LRRC66: variants seen among roughly 807,000 people sequenced by gnomAD.
LRRC66 encodes the protein leucine rich repeat containing 66, also known as leucine-rich repeat-containing protein 66.
In LRRC66, 29 loss-of-function variants were observed where a neutral mutation model predicts 24.6. The observed-to-expected ratio is 1.18, with a 90% CI of 0.88 to 1.61. The LOEUF (loss-of-function observed/expected upper bound fraction) is 1.61. Ranked by LOEUF, LRRC66 falls within the 40% of genes most tolerant of loss-of-function variation. LRRC66 has a pLI of 0.00. For synonymous variants in LRRC66, 411 were observed against 397.6 expected (o/e 1.03, Z -0.40); for missense variants, 1,124 against 1,058.0 (o/e 1.06, Z -0.87).
chr4:52,017,646 T>C (rs1279217269), intron 1 of LRRC66, 28 bp from the exon 2 acceptor site: 5 of 1,502,714 alleles, frequency 3.3e-6, no homozygotes, highest in Middle Eastern at 2.1e-4. Context: ...AATTGACTTA[T>C]TCACAATAAT....
In LRRC66 at chr4:52,003,388, C is replaced by T. The variant is rs1484537713; in HGVS notation, c.501G>A (p.Leu167=). 1.9e-6 allele frequency: 3 copies of T among 1,611,834 alleles called. No homozygotes were observed. The highest frequency in any genetic ancestry group is 2.7e-5 in the African/African-American group (2 of 74,792). ...RNKLSDTPKG[L]WKLKSLQSLD... ...AACTCTGCAATGACTTCAGTTTCCACAGTCCTGTTAAAATGAAAAAGTAAG... is the reference window on the plus strand; with the variant it reads ...AACTCTGCAATGACTTCAGTTTCCATAGTCCTGTTAAAATGAAAAAGTAAG... The change falls in exon 3 of 5, where the codon CTG becomes CTA. Residue 167 remains leucine (L), a synonymous_variant. Coordinates refer to ENST00000682860, the MANE Select transcript of LRRC66 (RefSeq NM_001024611.3).
intron 2 of LRRC66, among the ~76,000 whole-genome samples, chr4:52,004,092 TC>T (rs1354882986): frequency 6.6e-6 from 1 of 152,176 alleles, no homozygotes; most frequent in Non-Finnish European, 1.5e-5. Flanking sequence ...AACTTCCACC[TC>T]CCGGGTTCGA....
chr4:52,003,447 CT>C, intron 2 of LRRC66, 55 bp from the exon 3 acceptor site: 1 of 1,512,366 alleles, frequency 6.6e-7, no homozygotes, highest in East Asian at 2.3e-5. Flanking sequence ...TACTGCAGCA[CT>C]GTTTGTAATG....
chr4:52,011,960 G>A lies in LRRC66; in HGVS notation c.496+5158C>T, dbSNP rs539852661. 4.6e-5 allele frequency among the ~76,000 whole-genome samples: 7 copies of A among 152,242 alleles called. No homozygotes were observed. In the East Asian group the frequency reaches 9.7e-4, roughly 21 times the overall value. ...AGCACTTTGGGAGGCTGAGGCAGGC[G>A]GATCACTTGAGGTCAGGAGTTCAAA... On this transcript the variant is annotated intron_variant, in intron 2 of 4. Coordinates refer to ENST00000682860, the MANE Select transcript of LRRC66 (RefSeq NM_001024611.3).
At chr4:52,018,569 C>A in intron 1 of LRRC66, 6 of 985,392 alleles carry the variant, frequency 6.1e-6, no homozygotes, top group Non-Finnish European at 7.2e-6. Context: ...GACTTTCTTG[C>A]CTCTGCCTCT....
intron 2 of LRRC66, among the ~76,000 whole-genome samples, chr4:52,014,605 C>T (rs1267899403): frequency 6.6e-6 from 1 of 152,204 alleles, no homozygotes; most frequent in African/African-American, 2.4e-5. Context: ...CAGCATCTCT[C>T]TCACCAGCAG....
At chr4:52,006,691 T>C (rs1343743463) in intron 2 of LRRC66, among the ~76,000 whole-genome samples, 3 of 101,008 alleles carry the variant, frequency 3.0e-5, no homozygotes, top group Non-Finnish European at 5.7e-5. Context: ...CCCTAAAACT[T>C]AAAGTATAAT....
At chr4:52,003,899 GAACT>G (rs1324796622) in intron 2 of LRRC66, among the ~76,000 whole-genome samples, 1 of 152,160 alleles carries the variant, frequency 6.6e-6, no homozygotes, top group South Asian at 2.1e-4. Flanking sequence ...TTATTTGTTT[GAACT>G]ATATAGTAAA....
At position 52,001,085 on chromosome 4, in the gene LRRC66, T is replaced by C. The variant is rs566297275; in HGVS notation, c.666+2138A>G. Among the ~76,000 whole-genome samples the C allele has an allele frequency of 5.9e-5, 9 of 152,192 alleles. No homozygotes were observed. The South Asian group carries it at 1.0e-3, about 17-fold the overall frequency. ...TAAGCACTGGAAAAGAAAACAGATA[T>C]GATGTATGTCCTCAAAGAGCTTACG... On this transcript the variant is annotated intron_variant, in intron 3 of 4. Coordinates refer to ENST00000682860, the MANE Select transcript of LRRC66 (RefSeq NM_001024611.3).
At chr4:52,006,920 C>A (rs1736600269) in intron 2 of LRRC66, among the ~76,000 whole-genome samples, 1 of 152,002 alleles carries the variant, frequency 6.6e-6, no homozygotes, top group Non-Finnish European at 1.5e-5. Context: ...ACTTGCCCAA[C>A]AACACCATGG....
In LRRC66 at chr4:52,017,567, T is replaced by C; in HGVS notation, c.47A>G (p.Tyr16Cys). The C allele has an allele frequency of 2.5e-6, 4 of 1,606,556 alleles. No individual in the cohort carries two copies. Among genetic ancestry groups the C allele is most frequent in the Non-Finnish European group, 3.4e-6 (4 of 1,177,808 alleles). Residue 16 changes from tyrosine to cysteine, a missense_variant, in exon 2 of 5, where the codon TAT (tyrosine) becomes TGT (cysteine). Coordinates refer to ENST00000682860, the MANE Select transcript of LRRC66 (RefSeq NM_001024611.3). ...FRVITIVIGL[Y>C]FTGIMTNASR... ...TGCATTTGTCATTATTCCAGTAAAATAAAGACCTATAACTATGGTAATGAC... is the reference window on the plus strand; with the variant it reads ...TGCATTTGTCATTATTCCAGTAAAACAAAGACCTATAACTATGGTAATGAC...
At chr4:51,996,311 A>C in intron 4 of LRRC66, 146 bp from the exon 5 acceptor site, 1 of 728,618 alleles carries the variant, frequency 1.4e-6, no homozygotes, top group Non-Finnish European at 2.2e-6. Context: ...CAGTGGCACA[A>C]TCATAACTCA....
intron 1 of LRRC66, among the ~76,000 whole-genome samples, chr4:52,019,433 C>G (rs1736894965): frequency 6.6e-6 from 1 of 151,868 alleles, no homozygotes; most frequent in Non-Finnish European, 1.5e-5. Flanking sequence ...CAGTCTGTCA[C>G]TGGGTTATGT....
intron 2 of LRRC66, among the ~76,000 whole-genome samples, chr4:52,011,515 T>A (rs562243994): frequency 6.6e-6 from 1 of 152,324 alleles, no homozygotes; most frequent in Admixed American, 6.5e-5. Context: ...TGTTGGTGAA[T>A]ACTCTAAACA....
rs535844087 is a variant in LRRC66 at position 52,005,487 on chromosome 4, A to G, written c.497-2095T>C. ...TGTCTCTACTAAAAATACAAAAATT[A>G]GCCAGTAAGGTGGTGCTTGAGCCCG... is the stretch of plus-strand genomic sequence containing the variant. On this transcript the variant is annotated intron_variant, in intron 2 of 4. Coordinates refer to ENST00000682860, the MANE Select transcript of LRRC66 (RefSeq NM_001024611.3). Among the ~76,000 whole-genome samples, 16 of 152,112 alleles carry G rather than the reference A, an allele frequency of 1.1e-4. No homozygotes were observed. The East Asian group carries it at 2.9e-3, about 28-fold the overall frequency.
At chr4:52,014,134 C>T (rs1736759429) in intron 2 of LRRC66, among the ~76,000 whole-genome samples, 1 of 152,130 alleles carries the variant, frequency 6.6e-6, no homozygotes, top group African/African-American at 2.4e-5. Flanking sequence ...TGCCTGTAAA[C>T]CCAGCTACCT....
chr4:52,017,096 G>A, intron 2 of LRRC66, 22 bp downstream of exon 2: 1 of 1,577,110 alleles, frequency 6.3e-7, no homozygotes. Flanking sequence ...TTGTTTCTCT[G>A]CCTAGTTAAA....
At chr4:51,996,464 C>G (rs1228741816) in intron 4 of LRRC66, among the ~76,000 whole-genome samples, 1 of 151,814 alleles carries the variant, frequency 6.6e-6, no homozygotes, top group African/African-American at 2.4e-5. Flanking sequence ...ACTATGTTGC[C>G]AAGGCTGGTC....
At chr4:52,008,714 T>C (rs1290861958) in intron 2 of LRRC66, among the ~76,000 whole-genome samples, 1 of 152,122 alleles carries the variant, frequency 6.6e-6, no homozygotes, top group Non-Finnish European at 1.5e-5. Context: ...ATAAAGACCT[T>C]TTCAATAAAG....
Sources: gnomAD v4.1 joint callset for allele counts (sites outside exome capture counted in the v4.1 genomes callset) on GRCh38, gnomAD v4.1.1 for gene constraint, MANE v1.5 for transcripts, NCBI Gene and HGNC (gene_info 2026-07-23, HGNC 2026-07-21) for gene names.